The following FRMD5 variants were observed in gnomAD, a reference collection of about 807,000 sequenced individuals.
The protein encoded by FRMD5 is FERM domain containing 5, also known as FERM domain-containing protein 5.
A neutral mutation model predicts 69.0 loss-of-function variants in FRMD5; 20 were observed. The ratio of observed to expected loss-of-function variants is 0.29; its 90% confidence interval spans 0.20 to 0.42. The LOEUF is 0.42. Ranked by LOEUF, FRMD5 falls within the 10% of genes least tolerant of loss-of-function variation. The pLI is 1.00. For synonymous variants in FRMD5, 271 were observed against 260.1 expected (o/e 1.04, Z -0.40); for missense variants, 595 against 708.6 (o/e 0.84, Z 1.82).
At chr15:44,017,189 T>C (rs28667396) in intron 1 of FRMD5, among the ~76,000 whole-genome samples, 136,991 of 151,930 alleles carry the variant, frequency 0.9, 62,319 homozygotes, top group East Asian at 1. Flanking sequence ...ATACAAAAAA[T>C]TAGCCGGGCC....
chr15:44,092,653 T>G (rs2076489341), intron 1 of FRMD5, among the ~76,000 whole-genome samples: 1 of 152,142 alleles, frequency 6.6e-6, no homozygotes. Flanking sequence ...ACTGCACCCT[T>G]GCCCTCTGTT....
intron 1 of FRMD5, among the ~76,000 whole-genome samples, chr15:44,172,811 A>C (rs187479458): frequency 3.0e-3 from 453 of 151,308 alleles, no homozygotes; most frequent in Admixed American, 6.6e-3. Flanking sequence ...AACCTTCAGG[A>C]AAAAGTTTTC....
At chr15:44,024,395 G>A (rs1891344057) in intron 1 of FRMD5, among the ~76,000 whole-genome samples, 1 of 152,050 alleles carries the variant, frequency 6.6e-6, no homozygotes, top group African/African-American at 2.4e-5. Flanking sequence ...TCTCCAGAGT[G>A]GCATATCATT....
chr15:43,979,119 C>T (rs2090509251), intron 1 of FRMD5, among the ~76,000 whole-genome samples: 1 of 152,050 alleles, frequency 6.6e-6, no homozygotes, highest in South Asian at 2.1e-4. Context: ...GGGCTGATCA[C>T]CTGAGGCCAG....
At chr15:43,924,610 G>A (rs1293570909) in intron 1 of FRMD5, among the ~76,000 whole-genome samples, 2 of 152,200 alleles carry the variant, frequency 1.3e-5, no homozygotes, top group Admixed American at 6.5e-5. Context: ...AACTGTGGGT[G>A]TAGGGAATGT....
intron 1 of FRMD5, among the ~76,000 whole-genome samples, chr15:44,188,991 C>A (rs563063628): frequency 1.3e-5 from 2 of 152,052 alleles, no homozygotes; most frequent in Non-Finnish European, 2.9e-5. Context: ...TTTCTGTAGA[C>A]AAGTGAATGG....
intron 1 of FRMD5, among the ~76,000 whole-genome samples, chr15:44,082,582 ATT>A (rs1372633712): frequency 1.3e-5 from 2 of 152,014 alleles, no homozygotes; most frequent in Non-Finnish European, 1.5e-5. Flanking sequence ...TTCCTTTAAA[ATT>A]TGTTTTAAAA....
Position 44,007,171 on chromosome 15 carries a change from A to AT in FRMD5, c.103-82863dup, listed in dbSNP as rs903740130. On this transcript the variant is annotated intron_variant, in intron 1 of 13. Transcript: ENST00000417257. ...GCTGAAGGCTCAGGTAATTGTTACC[A>AT]TTTTTTTTTTTAGCAACAAAGCATT... Among the ~76,000 whole-genome samples, 1,297 of 147,020 alleles carry AT rather than the reference A, an allele frequency of 8.8e-3. 7 individuals carry two copies. The highest frequency in any genetic ancestry group is 0.025 in the African/African-American group (1,007 of 40,340).
chr15:44,037,487 G>A (rs1172387726), intron 1 of FRMD5, among the ~76,000 whole-genome samples: 1 of 72,716 alleles, frequency 1.4e-5, no homozygotes, highest in Non-Finnish European at 2.7e-5. Flanking sequence ...TTTTTTTTTT[G>A]ATATGGAGTC....
chr15:44,115,385 T>G (rs750882023), intron 1 of FRMD5, among the ~76,000 whole-genome samples: 15 of 152,232 alleles, frequency 9.9e-5, no homozygotes, highest in Non-Finnish European at 1.8e-4. Flanking sequence ...TCTTTTAATC[T>G]TGGATCAACT....
At chr15:44,073,102 T>A (rs1415076355) in intron 1 of FRMD5, among the ~76,000 whole-genome samples, 1 of 152,072 alleles carries the variant, frequency 6.6e-6, no homozygotes, top group African/African-American at 2.4e-5. Context: ...GCCACTGCAC[T>A]CCAGCCTGGG....
chr15:44,160,735 C>T (rs1016470463), intron 1 of FRMD5, among the ~76,000 whole-genome samples: 1 of 152,216 alleles, frequency 6.6e-6, no homozygotes, highest in African/African-American at 2.4e-5. Context: ...TTAAGCCCAT[C>T]ATTCTAAGTA....
At chr15:44,004,883 T>A (rs1480430032) in intron 1 of FRMD5, among the ~76,000 whole-genome samples, 1 of 152,200 alleles carries the variant, frequency 6.6e-6, no homozygotes. Flanking sequence ...AATTTGTAAA[T>A]GCAAAGGAAG....
intron 1 of FRMD5, among the ~76,000 whole-genome samples, chr15:43,973,675 T>C (rs16952932): frequency 0.035 from 5,325 of 152,148 alleles, 277 homozygotes; most frequent in African/African-American, 0.11. Context: ...GTCACTAATG[T>C]TCTTTAAGTC....
intron 1 of FRMD5, among the ~76,000 whole-genome samples, chr15:43,961,446 T>C (rs1024992547): frequency 6.6e-5 from 10 of 152,190 alleles, no homozygotes; most frequent in Middle Eastern, 3.2e-3. Flanking sequence ...CAGGACCAGA[T>C]GGATTTGCAG....
chr15:44,186,615 T>G (rs2078106913), intron 1 of FRMD5, among the ~76,000 whole-genome samples: 1 of 152,222 alleles, frequency 6.6e-6, no homozygotes, highest in East Asian at 1.9e-4. Context: ...CTTGGGCCTG[T>G]GGGCCTTTGC....
In FRMD5 at chr15:44,135,950, T is replaced by A. The variant is rs551303180; in HGVS notation, c.102+59003A>T. The stretch of plus-strand genomic sequence containing the variant: ...TTCATAATATTATTTAAAATACAAA[T>A]CTGACACCAGTTAAGTTTTGGGTCG... On this transcript the variant is annotated intron_variant, in intron 1 of 13. Transcript: ENST00000417257. 1.3e-4 allele frequency among the ~76,000 whole-genome samples: 20 copies of A among 152,202 alleles called. No individual in the cohort carries two copies. The South Asian group carries it at 4.1e-3, about 32-fold the overall frequency.
At chr15:44,177,898 A>C (rs1355100008) in intron 1 of FRMD5, among the ~76,000 whole-genome samples, 1 of 152,216 alleles carries the variant, frequency 6.6e-6, no homozygotes, top group Non-Finnish European at 1.5e-5. Context: ...CATAAGAGAA[A>C]TTTACAGGGT....
At chr15:44,067,863 C>A (rs1310265512) in intron 1 of FRMD5, among the ~76,000 whole-genome samples, 1 of 151,978 alleles carries the variant, frequency 6.6e-6, no homozygotes, top group Non-Finnish European at 1.5e-5. Flanking sequence ...CCAGAATATA[C>A]AAAGAACTCT....
Sources: gnomAD v4.1 joint callset for allele counts (sites outside exome capture counted in the v4.1 genomes callset) on GRCh38, gnomAD v4.1.1 for gene constraint, MANE v1.5 for transcripts, NCBI Gene and HGNC (gene_info 2026-07-23, HGNC 2026-07-21) for gene names.